LBP: variants seen among roughly 807,000 people sequenced by gnomAD.
LBP encodes lipopolysaccharide-binding protein.
Under a neutral mutation model 56.6 loss-of-function variants are expected in LBP, and 53 were observed. The observed-to-expected ratio is 0.94, with a 90% CI of 0.75 to 1.18. The LOEUF (loss-of-function observed/expected upper bound fraction) is 1.18, where lower values mean the gene tolerates loss of function less well. LBP is among the 50% of genes most tolerant of loss of function. The pLI, the probability that LBP is intolerant of heterozygous loss-of-function variation, is 0.00. For synonymous variants in LBP, 227 were observed against 247.5 expected, an observed-to-expected ratio of 0.92 and a Z score of 0.78; for missense variants, 601 against 598.3, an observed-to-expected ratio of 1.00 and a Z score of -0.05.
At position 38,355,512 on chromosome 20, in the gene LBP, A is replaced by G. The variant is rs1272866919; in HGVS notation, c.588+103A>G. On this transcript the variant is annotated intron_variant, in intron 5 of 14. Coordinates refer to ENST00000217407, the MANE Select transcript of LBP (RefSeq NM_004139.5). ...GACCAGGCCATGGGGGCTGGTTTAG[A>G]CGTACTTGGGCCCAAAGCCCAGGGA... The G allele has an allele frequency of 3.8e-6, 4 of 1,058,898 alleles. No homozygotes were observed. The African/African-American group carries it at 6.3e-5, about 17-fold the overall frequency. 65.6% of individuals were successfully genotyped at this position (1,058,898 alleles called of 1,614,324 possible).
chr20:38,374,470 G>A (rs2076911127), intron 14 of LBP, among the ~76,000 whole-genome samples: 1 of 151,764 alleles, frequency 6.6e-6, no homozygotes, highest in Non-Finnish European at 1.5e-5. Flanking sequence ...GGTGGCAGGT[G>A]CCTGTAATCC....
rs2076802285 is a variant in LBP at position 38,346,629 on chromosome 20, G to T, written c.113G>T (p.Gly38Val). The change falls in exon 1 of 15, where the codon GGA (glycine) becomes GTA (valine). Residue 38 changes from glycine (G) to valine (V), a missense_variant. By Grantham distance (109) the Gly-to-Val change is moderately radical. Coordinates refer to ENST00000217407, the MANE Select transcript of LBP (RefSeq NM_004139.5). ...PGLVARITDK[G>V]LQYAAQEGLL... ...TTGGTCGCCAGGATCACCGACAAGG[G>T]ACTGCAGTATGGTAAGAAGCCACAT... is the stretch of plus-strand genomic sequence containing the variant. The T allele has an allele frequency of 6.2e-7, 1 of 1,613,388 alleles. No homozygotes were observed. The highest frequency in any genetic ancestry group is 8.5e-7 in the Non-Finnish European group (1 of 1,179,960).
intron 12 of LBP, among the ~76,000 whole-genome samples, chr20:38,372,260 A>AC (rs554051299): frequency 2.1e-4 from 32 of 152,234 alleles, no homozygotes; most frequent in African/African-American, 7.5e-4. Context: ...GCCTCCACTG[A>AC]CCACCTCCAC....
intron 1 of LBP, among the ~76,000 whole-genome samples, 187 bp from the exon 2 acceptor site, chr20:38,349,361 T>C (rs1382499659): frequency 6.6e-6 from 1 of 152,174 alleles, no homozygotes; most frequent in African/African-American, 2.4e-5. Flanking sequence ...GCCACAGAAA[T>C]GCAGGGACAC....
At chr20:38,372,021 G>A (rs764472505) in intron 12 of LBP, among the ~76,000 whole-genome samples, 3 of 152,200 alleles carry the variant, frequency 2.0e-5, no homozygotes, top group African/African-American at 4.8e-5. Context: ...AATAGACTCC[G>A]TTATCAAAAC....
intron 13 of LBP, among the ~76,000 whole-genome samples, chr20:38,373,440 C>A (rs2076907666): frequency 1.3e-5 from 2 of 152,176 alleles, no homozygotes; most frequent in South Asian, 4.1e-4. Flanking sequence ...AGACTGAGGA[C>A]CAAGTTAATA....
chr20:38,364,804 C>T (rs1469530946), intron 8 of LBP, 52 bp downstream of exon 8: 5 of 1,508,296 alleles, frequency 3.3e-6, no homozygotes, highest in Non-Finnish European at 4.5e-6. Flanking sequence ...CCTACCGCTC[C>T]TTCCTTCTTT....
intron 3 of LBP, among the ~76,000 whole-genome samples, chr20:38,352,552 C>G (rs2076824079): frequency 6.6e-6 from 1 of 152,270 alleles, no homozygotes; most frequent in South Asian, 2.1e-4. Context: ...GTCAGGAGTT[C>G]AAGACCAGCT....
chr20:38,348,502 AGGATT>A (rs2076808601), intron 1 of LBP, among the ~76,000 whole-genome samples: 1 of 152,000 alleles, frequency 6.6e-6, no homozygotes, highest in Admixed American at 6.6e-5. Context: ...TAGTAGAGAC[AGGATT>A]TCACTATGTT....
At chr20:38,359,657 G>T (rs1158389929) in intron 5 of LBP, among the ~76,000 whole-genome samples, 2 of 152,118 alleles carry the variant, frequency 1.3e-5, no homozygotes, top group African/African-American at 4.8e-5. Flanking sequence ...AATAATTCGA[G>T]TAATTACAAA....
At position 38,346,569 on chromosome 20, in the gene LBP, C is replaced by T. The variant is rs1453427521; in HGVS notation, c.53C>T (p.Thr18Met). ...LPSILLALLL[T>M]STPEALGANP... is the part of the protein sequence containing the mutation. ...TCCATACTGCTGGCATTGCTGCTTA[C>T]GTCCACCCCAGAGGCTCTGGGTGCC... The change falls in exon 1 of 15, where the codon ACG (threonine) becomes ATG (methionine). Residue 18 changes from threonine to methionine, a missense_variant. Transcript: ENST00000217407. 4.3e-6 allele frequency: 7 copies of T among 1,613,720 alleles called. No individual in the cohort carries two copies. Among genetic ancestry groups the T allele is most frequent in the African/African-American group, 1.3e-5 (1 of 74,932 alleles).
Position 38,376,758 on chromosome 20 carries a change from T to C in LBP, c.*89T>C. ...GCACGTCTCAGAGATTCTTGAAGAATGAAGACATTTCTGCTCTCAGCTCCG... is the reference window on the plus strand; with the variant it reads ...GCACGTCTCAGAGATTCTTGAAGAACGAAGACATTTCTGCTCTCAGCTCCG... On this transcript the variant is annotated 3_prime_UTR_variant, in exon 15 of 15. Transcript: ENST00000217407. The C allele has an allele frequency of 7.5e-7, 1 of 1,327,216 alleles. No individual in the cohort carries two copies. Among genetic ancestry groups the C allele is most frequent in the Non-Finnish European group, 1.1e-6 (1 of 923,774 alleles). 82.2% of individuals were successfully genotyped at this position (1,327,216 alleles called of 1,614,324 possible). A position where few individuals can be genotyped will look rare whatever the true frequency, so the allele number is the denominator to read the frequency against.
intron 14 of LBP, among the ~76,000 whole-genome samples, chr20:38,374,620 AAAAG>A (rs1000008739): frequency 4.0e-5 from 6 of 151,398 alleles, no homozygotes; most frequent in East Asian, 2.0e-4. Context: ...AAAGAAAAAA[AAAAG>A]AAAGAAAATA....
chr20:38,363,737 T>C (rs5741817), intron 6 of LBP, among the ~76,000 whole-genome samples: 77,534 of 151,790 alleles, frequency 0.51, 20,501 homozygotes, highest in Non-Finnish European at 0.55. Context: ...TGTGTGTGTG[T>C]GCTTGTCTGG....
intron 6 of LBP, among the ~76,000 whole-genome samples, chr20:38,362,751 C>T (rs2076865553): frequency 6.6e-6 from 1 of 151,790 alleles, no homozygotes; most frequent in South Asian, 2.1e-4. Flanking sequence ...AGTTCAAGGC[C>T]AGCCCGGGCA....
intron 3 of LBP, among the ~76,000 whole-genome samples, chr20:38,352,811 A>G (rs1237762303): frequency 1.3e-5 from 2 of 151,206 alleles, no homozygotes; most frequent in Non-Finnish European, 2.9e-5. Flanking sequence ...ACACCTGGCT[A>G]ATTTTTAAAA....
intron 4 of LBP, 38 bp downstream of exon 4, chr20:38,354,477 G>A: frequency 1.3e-6 from 2 of 1,577,844 alleles, no homozygotes; most frequent in Non-Finnish European, 1.7e-6. Context: ...TGGACTCCTG[G>A]TTGCAGCTCC....
rs527495971 is a variant in LBP, at chr20:38,374,112, C to T, written c.1401+99C>T. Reference sequence around the variant, plus strand: ...TTCATGGGTGACACCCAGCCCAGCCCTGCAGCTGGGAAAGTCTGGCCAGGG... The same window carrying T: ...TTCATGGGTGACACCCAGCCCAGCCTTGCAGCTGGGAAAGTCTGGCCAGGG... On this transcript the variant is annotated intron_variant, in intron 14 of 14. Transcript: ENST00000217407. 55 of 1,264,504 alleles carry T rather than the reference C, an allele frequency of 4.3e-5. No individual in the cohort carries two copies. In the African/African-American group the frequency reaches 6.8e-4, roughly 16 times the overall value. The allele number at this position is 1,264,504 out of a possible 1,614,324, so 78.3% of individuals were successfully genotyped here.
chr20:38,374,592 G>A (rs138038575), intron 14 of LBP, among the ~76,000 whole-genome samples: 6,094 of 136,794 alleles, frequency 0.045, 200 homozygotes, highest in South Asian at 0.14. Context: ...GCAACACTCC[G>A]TCAAAAAAAA....
Sources: gnomAD v4.1 joint callset for allele counts (sites outside exome capture counted in the v4.1 genomes callset) on GRCh38, gnomAD v4.1.1 for gene constraint, MANE v1.5 for transcripts, NCBI Gene and HGNC (gene_info 2026-07-23, HGNC 2026-07-21) for gene names.